F2RL1: variants seen among roughly 807,000 people sequenced by gnomAD.
The protein encoded by F2RL1 is proteinase-activated receptor 2.
A neutral mutation model predicts 21.7 loss-of-function variants in F2RL1; 16 were observed. The ratio of observed to expected loss-of-function variants is 0.74; its 90% CI spans 0.50 to 1.12. F2RL1 has a LOEUF of 1.12. F2RL1 is among the 50% of genes most tolerant of loss of function. The pLI is 0.00. For synonymous variants in F2RL1, 181 were observed against 186.7 expected, an observed-to-expected ratio of 0.97 and a Z score of 0.25; for missense variants, 432 against 477.8, an observed-to-expected ratio of 0.90 and a Z score of 0.89.
chr5:76,824,691 C>T (rs986211713), intron 1 of F2RL1, among the ~76,000 whole-genome samples: 3 of 152,122 alleles, frequency 2.0e-5, no homozygotes, highest in African/African-American at 7.2e-5. Context: ...AAACAATGTT[C>T]CAGTGAATAT....
intron 1 of F2RL1, 134 bp downstream of exon 1, chr5:76,819,398 C>G: frequency 1.3e-6 from 1 of 754,712 alleles, no homozygotes; most frequent in Non-Finnish European, 2.0e-6. Context: ...AATCCCTTAG[C>G]CTCCCCTTGG....
chr5:76,819,459 CG>C (rs1232774451), intron 1 of F2RL1, among the ~76,000 whole-genome samples, 195 bp downstream of exon 1: 1 of 152,130 alleles, frequency 6.6e-6, no homozygotes, highest in Non-Finnish European at 1.5e-5. Flanking sequence ...GTGGGACATG[CG>C]GGAGCAGCTG....
intron 1 of F2RL1, among the ~76,000 whole-genome samples, chr5:76,820,512 TAATC>T (rs1191062053): frequency 2.0e-5 from 3 of 152,186 alleles, no homozygotes; most frequent in Non-Finnish European, 4.4e-5. Context: ...TTTTTTTTCT[TAATC>T]AGCATCAGAA....
intron 1 of F2RL1, among the ~76,000 whole-genome samples, chr5:76,830,480 G>T (rs1233471259): frequency 3.3e-5 from 5 of 152,112 alleles, no homozygotes; most frequent in Non-Finnish European, 7.3e-5. Flanking sequence ...GTTTCACTAT[G>T]TTGGCCAGGC....
intron 1 of F2RL1, among the ~76,000 whole-genome samples, chr5:76,820,351 CTCACTTTTATCCTCCTCT>C: frequency 6.6e-6 from 1 of 152,266 alleles, no homozygotes; most frequent in Admixed American, 6.5e-5. Flanking sequence ...ATGCGCATTT[CTCACTTTTATCCTCCTCT>C]TCATAAAGAC....
chr5:76,833,017 A>G lies in F2RL1; in HGVS notation c.410A>G (p.His137Arg), dbSNP rs116539551. Residue 137 changes from histidine to arginine, a missense_variant, in exon 2 of 2, where the codon CAT becomes CGT. By Grantham distance (29) the His-to-Arg change is conservative. Transcript: ENST00000296677. ...CCCTTGAAGATTGCCTATCACATAC[A>G]TGGCAACAACTGGATTTATGGGGAA... Reference protein sequence around the residue: ...WFPLKIAYHIHGNNWIYGEAL... With the variant: ...WFPLKIAYHIRGNNWIYGEAL... 189 of 1,614,160 alleles carry G rather than the reference A, an allele frequency of 1.2e-4. No homozygotes were observed. In the African/African-American group the frequency reaches 1.6e-3, roughly 14 times the overall value.
Position 76,833,729 on chromosome 5 carries a change from C to T in F2RL1, c.1122C>T (p.Leu374=). The T allele has an allele frequency of 6.2e-7, 1 of 1,614,044 alleles. No homozygotes were observed. ...VRTVKQMQVS[L]TSKKHSRKSS... ...CTGTAAAGCAGATGCAAGTATCCCT[C>T]ACCTCAAAGAAACACTCCAGGAAAT... is the stretch of plus-strand genomic sequence containing the variant. Residue 374 remains leucine (L), a synonymous_variant, in exon 2 of 2, where the codon CTC becomes CTT. Coordinates refer to ENST00000296677, the MANE Select transcript of F2RL1 (RefSeq NM_005242.6).
intron 1 of F2RL1, 91 bp from the exon 2 acceptor site, chr5:76,832,599 G>A: frequency 1.6e-6 from 2 of 1,276,008 alleles, no homozygotes; most frequent in Admixed American, 2.4e-5. Context: ...ATTAAAAAAT[G>A]AATAAATGAA....
At chr5:76,825,091 C>G (rs965726012) in intron 1 of F2RL1, among the ~76,000 whole-genome samples, 1 of 150,404 alleles carries the variant, frequency 6.6e-6, no homozygotes, top group Non-Finnish European at 1.5e-5. Flanking sequence ...ACTGCAACCT[C>G]TGCCTTCTGG....
intron 1 of F2RL1, 103 bp from the exon 2 acceptor site, chr5:76,832,587 A>G: frequency 8.4e-7 from 1 of 1,192,116 alleles, no homozygotes; most frequent in South Asian, 1.6e-5. Flanking sequence ...CCTGTCTCAT[A>G]AATTAAAAAA....
rs1750408331 is a variant in F2RL1, at chr5:76,833,870, T to C, written c.*69T>C. 2 of 1,504,776 alleles carry C rather than the reference T, an allele frequency of 1.3e-6. No homozygotes were observed. The highest frequency in any genetic ancestry group is 3.9e-5 in the Admixed American group (2 of 51,782). 93.2% of individuals were successfully genotyped at this position (1,504,776 alleles called of 1,614,324 possible). A position where few individuals can be genotyped will look rare whatever the true frequency, so the allele number is the denominator to read the frequency against. ...ACCTGTTTAATGTTATGAGGACGTG[T>C]CTGTTATTTCCTAATCAAAAAGGTC... On this transcript the variant is annotated 3_prime_UTR_variant, in exon 2 of 2. Transcript: ENST00000296677.
intron 1 of F2RL1, among the ~76,000 whole-genome samples, chr5:76,829,955 C>A (rs1362568260): frequency 6.6e-6 from 1 of 151,910 alleles, no homozygotes; most frequent in Admixed American, 6.6e-5. Context: ...AAAATAGAAC[C>A]ACTAGAAATA....
intron 1 of F2RL1, among the ~76,000 whole-genome samples, chr5:76,828,728 G>C (rs2243045): frequency 6.6e-6 from 1 of 151,420 alleles, no homozygotes; most frequent in Non-Finnish European, 1.5e-5. Flanking sequence ...TCTTGGCCTC[G>C]AGCAATCCTT....
intron 1 of F2RL1, among the ~76,000 whole-genome samples, chr5:76,820,258 G>T (rs1750107653): frequency 1.3e-5 from 2 of 152,184 alleles, no homozygotes; most frequent in Non-Finnish European, 2.9e-5. Flanking sequence ...TTTGACCTGC[G>T]ATCGCGCCAC....
At chr5:76,827,739 A>G (rs1346291683) in intron 1 of F2RL1, among the ~76,000 whole-genome samples, 4 of 149,928 alleles carry the variant, frequency 2.7e-5, no homozygotes. Context: ...AGCTGGGACT[A>G]TAGGCGTGTG....
rs755801111 is a variant in F2RL1 at position 76,819,197 on chromosome 5, C to A, written c.15C>A (p.Ser5Arg). The change falls in exon 1 of 2, where the codon AGC becomes AGA. Residue 5 changes from serine to arginine, a missense_variant. Transcript: ENST00000296677. Reference sequence around the variant, plus strand: ...CTTCCAGGAGGATGCGGAGCCCCAGCGCGGCGTGGCTGCTGGGGGCCGCCA... The same window carrying A: ...CTTCCAGGAGGATGCGGAGCCCCAGAGCGGCGTGGCTGCTGGGGGCCGCCA... MRSP[S>R]AAWLLGAAIL... 1.3e-6 allele frequency: 2 copies of A among 1,586,674 alleles called. No individual in the cohort carries two copies. The highest frequency in any genetic ancestry group is 2.3e-5 in the East Asian group (1 of 44,260).
rs868354618 is a variant in F2RL1, at chr5:76,824,081, G to A, written c.82+4817G>A. ...CCTGCCTCGGCCTCCCAAAGTGCTG[G>A]GATTACAGGCGTGAGCCACTGCGCC... On this transcript the variant is annotated intron_variant, in intron 1 of 1. Transcript: ENST00000296677. 1.6e-4 allele frequency among the ~76,000 whole-genome samples: 25 copies of A among 151,882 alleles called. 1 individual carries two copies. The highest frequency in any genetic ancestry group is 4.2e-4 in the South Asian group (2 of 4,802).
Position 76,833,008 on chromosome 5 carries a change from A to G in F2RL1, c.401A>G (p.Tyr134Cys), listed in dbSNP as rs762020675. The change falls in exon 2 of 2, where the codon TAT becomes TGT. Residue 134 changes from tyrosine to cysteine, a missense_variant. Coordinates refer to ENST00000296677, the MANE Select transcript of F2RL1 (RefSeq NM_005242.6). Reference protein sequence around the residue: ...SVIWFPLKIAYHIHGNNWIYG... With the variant: ...SVIWFPLKIACHIHGNNWIYG... ...ATCTGGTTCCCCTTGAAGATTGCCT[A>G]TCACATACATGGCAACAACTGGATT... 15 of 1,614,054 alleles carry G rather than the reference A, an allele frequency of 9.3e-6. No homozygotes were observed. Among genetic ancestry groups the G allele is most frequent in the Middle Eastern group, 1.6e-4 (1 of 6,084 alleles).
In F2RL1 at chr5:76,832,908, C is replaced by A. The variant is rs764927777; in HGVS notation, c.301C>A (p.Leu101Ile). 2 of 1,614,176 alleles carry A rather than the reference C, an allele frequency of 1.2e-6. No individual in the cohort carries two copies. Among genetic ancestry groups the A allele is most frequent in the Admixed American group, 1.7e-5 (1 of 60,020 alleles). The change falls in exon 2 of 2, where the codon CTT becomes ATT. Residue 101 changes from leucine (L) to isoleucine (I), a missense_variant. Leu to Ile is a conservative substitution (Grantham distance 5). Coordinates refer to ENST00000296677, the MANE Select transcript of F2RL1 (RefSeq NM_005242.6). The part of the protein sequence containing the change: ...PSNGMALWVF[L>I]FRTKKKHPAV... Reference sequence around the variant, plus strand: ...TAACGGCATGGCCCTGTGGGTCTTTCTTTTCCGAACTAAGAAGAAGCACCC... The same window carrying A: ...TAACGGCATGGCCCTGTGGGTCTTTATTTTCCGAACTAAGAAGAAGCACCC...
Sources: allele counts gnomAD v4.1 joint callset (sites outside exome capture counted in the v4.1 genomes callset), GRCh38; gene constraint gnomAD v4.1.1; transcripts MANE v1.5; gene names NCBI Gene and HGNC (gene_info 2026-07-23, HGNC 2026-07-21).